The following NCOA2 variants were observed in gnomAD, a reference collection of about 807,000 sequenced individuals.
The protein encoded by NCOA2 is nuclear receptor coactivator 2, also known as class E basic helix-loop-helix protein 75.
NCOA2 carries 21 observed loss-of-function variants against 145.1 expected under a neutral mutation model. The ratio of observed to expected loss-of-function variants is 0.14; its 90% CI spans 0.10 to 0.21. The LOEUF (loss-of-function observed/expected upper bound fraction) is 0.21. Among genes scored for constraint, NCOA2 ranks in the 10% least tolerant of loss-of-function variants. The pLI is 1.00. For missense variants in NCOA2, 1,472 were observed against 1,837.6 expected (o/e 0.80, Z 3.64); for synonymous variants, 619 against 637.5 (o/e 0.97, Z 0.44).
At chr8:70,219,954 C>CAG (rs544156570) in intron 2 of NCOA2, among the ~76,000 whole-genome samples, 23 of 152,050 alleles carry the variant, frequency 1.5e-4, no homozygotes, top group Admixed American at 3.3e-4. Context: ...AAATAAAAAC[C>CAG]AGAGAGAGAT....
chr8:70,406,652 A>G (rs569488088), upstream of NCOA2, among the ~76,000 whole-genome samples: 1 of 152,378 alleles, frequency 6.6e-6, no homozygotes, highest in African/African-American at 2.4e-5. Context: ...AGCATGGAAA[A>G]GTAAAGAAAA....
At chr8:70,242,855 T>A (rs1822261799) in intron 2 of NCOA2, among the ~76,000 whole-genome samples, 1 of 152,084 alleles carries the variant, frequency 6.6e-6, no homozygotes, top group Non-Finnish European at 1.5e-5. Flanking sequence ...TTCTACAAAT[T>A]AAAATTCGTT....
At chr8:70,174,931 C>T (rs1031255557) in intron 4 of NCOA2, 72 bp from the exon 5 acceptor site, 1 of 1,393,532 alleles carries the variant, frequency 7.2e-7, no homozygotes, top group Non-Finnish European at 1.0e-6. Context: ...AATGTTTTTA[C>T]TGTAATGATT....
intron 2 of NCOA2, among the ~76,000 whole-genome samples, chr8:70,296,062 G>T (rs1384597959): frequency 6.6e-6 from 1 of 152,110 alleles, no homozygotes; most frequent in Admixed American, 6.6e-5. Context: ...TTTAACAAAC[G>T]TTTATTTAGT....
chr8:70,204,720 G>T (rs553594036), intron 4 of NCOA2, among the ~76,000 whole-genome samples: 2 of 152,110 alleles, frequency 1.3e-5, no homozygotes, highest in Non-Finnish European at 2.9e-5. Context: ...GGCTGGGTGC[G>T]GTGGCTCACG....
At chr8:70,126,190 C>T (rs1428006556) in intron 19 of NCOA2, among the ~76,000 whole-genome samples, 3 of 152,158 alleles carry the variant, frequency 2.0e-5, no homozygotes, top group African/African-American at 4.8e-5. Flanking sequence ...ATTAACTGAA[C>T]ATGACATGCA....
chr8:70,446,020 C>G, the NCOA2 span, among the ~76,000 whole-genome samples: 1 of 151,202 alleles, frequency 6.6e-6, no homozygotes, highest in African/African-American at 2.4e-5. Flanking sequence ...GGTTGGTTCA[C>G]TAACTTACTT....
chr8:70,134,353 AGTCAGTCAAGAGTAAT>A (rs1452344379), intron 15 of NCOA2, among the ~76,000 whole-genome samples: 1 of 152,240 alleles, frequency 6.6e-6, no homozygotes, highest in Non-Finnish European at 1.5e-5. Flanking sequence ...AAAGAGTTCA[AGTCAGTCAAGAGTAAT>A]GTCAGCTATT....
At chr8:70,345,143 A>G (rs1160355781) in intron 1 of NCOA2, among the ~76,000 whole-genome samples, 1 of 152,204 alleles carries the variant, frequency 6.6e-6, no homozygotes, top group African/African-American at 2.4e-5. Context: ...AAATAATGCA[A>G]TATGGTTACT....
At chr8:70,191,340 C>T (rs1563594828) in intron 4 of NCOA2, among the ~76,000 whole-genome samples, 1 of 152,242 alleles carries the variant, frequency 6.6e-6, no homozygotes, top group East Asian at 1.9e-4. Context: ...CTCAAATGTC[C>T]ACCTGGTTAG....
At position 70,128,730 on chromosome 8, in the gene NCOA2, TG is replaced by T; in HGVS notation, c.3574del (p.Gln1192AsnfsTer16). 6.2e-7 allele frequency: 1 copy of T among 1,613,950 alleles called. No individual in the cohort carries two copies. The highest frequency in any genetic ancestry group is 8.5e-7 in the Non-Finnish European group (1 of 1,179,896). ...VQNQPNQLRL[Q>X]LQHRLQAQQN... ...CTGTGCTTGGAGGCGATGCTGAAGT[TG>T]AAGTCTTAGTTGATTTGGCTGGTTC... On this transcript the variant is annotated frameshift_variant, in exon 17 of 23. Coordinates refer to ENST00000452400, the MANE Select transcript of NCOA2 (RefSeq NM_006540.4). LOFTEE classifies it high-confidence loss of function.
intron 2 of NCOA2, among the ~76,000 whole-genome samples, chr8:70,233,051 C>A (rs1821282624): frequency 6.6e-6 from 1 of 151,952 alleles, no homozygotes; most frequent in South Asian, 2.1e-4. Flanking sequence ...ATGGTGAAAT[C>A]CCATCTCTAC....
intron 1 of NCOA2, among the ~76,000 whole-genome samples, chr8:70,366,246 A>C (rs1474364260): frequency 6.6e-6 from 1 of 152,152 alleles, no homozygotes; most frequent in East Asian, 1.9e-4. Flanking sequence ...ATAGCATCCC[A>C]AAAGTGAAGT....
chr8:70,451,548 T>C, the NCOA2 span, among the ~76,000 whole-genome samples: 1 of 151,970 alleles, frequency 6.6e-6, no homozygotes, highest in African/African-American at 2.4e-5. Context: ...TCCTTCAATC[T>C]TGACCTTAAA....
At chr8:70,300,827 A>G (rs1240088187) in intron 1 of NCOA2, among the ~76,000 whole-genome samples, 1 of 152,238 alleles carries the variant, frequency 6.6e-6, no homozygotes, top group African/African-American at 2.4e-5. Context: ...AATAGCATCA[A>G]TAGCATTTAT....
chr8:70,384,366 G>A (rs1332304495), intron 1 of NCOA2, among the ~76,000 whole-genome samples: 1 of 151,958 alleles, frequency 6.6e-6, no homozygotes, highest in Non-Finnish European at 1.5e-5. Context: ...TTAAGCCACA[G>A]TCTGAACTAG....
At chr8:70,137,454 A>G (rs915470735) in intron 15 of NCOA2, among the ~76,000 whole-genome samples, 18 of 152,262 alleles carry the variant, frequency 1.2e-4, no homozygotes, top group Non-Finnish European at 1.0e-4. Flanking sequence ...AAAAACAACT[A>G]ACAGGTGGTG....
intron 1 of NCOA2, among the ~76,000 whole-genome samples, chr8:70,362,132 T>C (rs180719138): frequency 4.3e-4 from 65 of 152,292 alleles, no homozygotes; most frequent in African/African-American, 1.4e-3. Context: ...ATTTACTGTA[T>C]TGCCCTAAAG....
intron 1 of NCOA2, among the ~76,000 whole-genome samples, chr8:70,300,804 A>G (rs1413033623): frequency 1.3e-5 from 2 of 152,208 alleles, no homozygotes; most frequent in Non-Finnish European, 2.9e-5. Context: ...TTTTGGCTTA[A>G]CAACAATGTA....
Sources: gnomAD v4.1 joint callset for allele counts (sites outside exome capture counted in the v4.1 genomes callset) on GRCh38, gnomAD v4.1.1 for gene constraint, MANE v1.5 for transcripts, NCBI Gene and HGNC (gene_info 2026-07-23, HGNC 2026-07-21) for gene names.